The following METTL15 variants were observed in gnomAD, a reference collection of about 807,000 sequenced individuals.
METTL15 encodes 12S rRNA N(4)-cytidine methyltransferase METTL15.
A neutral mutation model predicts 38.3 loss-of-function variants in METTL15; 34 were observed. The observed-to-expected ratio is 0.89, with a 90% CI of 0.68 to 1.18. The LOEUF (loss-of-function observed/expected upper bound fraction) is 1.18. METTL15 is among the 50% of genes most tolerant of loss of function. The pLI, the probability that METTL15 is intolerant of heterozygous loss-of-function variation, is 0.00. For synonymous variants in METTL15, 162 were observed against 170.9 expected (o/e 0.95, Z 0.41); for missense variants, 438 against 498.4 (o/e 0.88, Z 1.15).
At chr11:28,174,458 T>G (rs904521890) in intron 3 of METTL15, among the ~76,000 whole-genome samples, 1 of 152,198 alleles carries the variant, frequency 6.6e-6, no homozygotes, top group Admixed American at 6.5e-5. Flanking sequence ...ATTTCAAATT[T>G]ATTATAATAT....
At chr11:28,525,952 A>G (rs542141309) in intron 6 of METTL15, among the ~76,000 whole-genome samples, 2 of 152,300 alleles carry the variant, frequency 1.3e-5, no homozygotes, top group Admixed American at 1.3e-4. Context: ...CCCCAAGGGG[A>G]GGCAGCTAAG....
chr11:28,516,266 C>T (rs570836095), intron 6 of METTL15, among the ~76,000 whole-genome samples: 38 of 152,034 alleles, frequency 2.5e-4, no homozygotes, highest in Non-Finnish European at 4.6e-4. Flanking sequence ...TGGCTATTAC[C>T]AGGTGGGTGG....
At chr11:28,310,878 ATGCTGCTGCTGCTGCTGC>A (rs878913369) in intron 6 of METTL15, among the ~76,000 whole-genome samples, 13 of 64,722 alleles carry the variant, frequency 2.0e-4, no homozygotes, top group Middle Eastern at 6.8e-3. Flanking sequence ...CCTAGCTTAA[ATGCTGCTGCTGCTGCTGC>A]TGCTGCTGCT....
At chr11:28,311,408 T>C (rs1857300861) in intron 6 of METTL15, among the ~76,000 whole-genome samples, 1 of 152,208 alleles carries the variant, frequency 6.6e-6, no homozygotes, top group African/African-American at 2.4e-5. Context: ...CTTCTTGCCA[T>C]CCTCCTGAAG....
intron 3 of METTL15, among the ~76,000 whole-genome samples, chr11:28,159,077 C>T (rs982019554): frequency 1.3e-5 from 2 of 152,226 alleles, no homozygotes; most frequent in Admixed American, 1.3e-4. Flanking sequence ...TTTCTGCTGG[C>T]ACAGAGGTCT....
At chr11:28,310,454 G>A (rs1325230580) in intron 6 of METTL15, among the ~76,000 whole-genome samples, 1 of 151,842 alleles carries the variant, frequency 6.6e-6, no homozygotes, top group East Asian at 1.9e-4. Flanking sequence ...TTCCCTAAAG[G>A]CCTAGTAATA....
intron 6 of METTL15, among the ~76,000 whole-genome samples, chr11:28,518,235 C>A (rs1006916620): frequency 6.6e-6 from 1 of 152,128 alleles, no homozygotes. Context: ...GCTAGAGACC[C>A]CCCTCCACAT....
At chr11:28,227,574 T>C (rs1303001650) in intron 4 of METTL15, among the ~76,000 whole-genome samples, 1 of 151,802 alleles carries the variant, frequency 6.6e-6, no homozygotes, top group Non-Finnish European at 1.5e-5. Context: ...TTGAAAGAAC[T>C]GTAATGTGAA....
intron 3 of METTL15, among the ~76,000 whole-genome samples, chr11:28,207,368 A>G (rs1316626265): frequency 6.6e-6 from 1 of 152,122 alleles, no homozygotes; most frequent in Admixed American, 6.5e-5. Context: ...TGAGATAATC[A>G]TGTGGTTTTT....
intron 5 of METTL15, among the ~76,000 whole-genome samples, chr11:28,390,481 A>G (rs571968552): frequency 2.6e-5 from 4 of 152,288 alleles, no homozygotes; most frequent in South Asian, 4.1e-4. Context: ...TTTATTAAAT[A>G]GGGAATCCTT....
intron 4 of METTL15, among the ~76,000 whole-genome samples, chr11:28,237,409 C>T (rs895294811): frequency 2.6e-5 from 4 of 152,164 alleles, no homozygotes; most frequent in African/African-American, 9.6e-5. Context: ...CTTGAGGCTT[C>T]TGCATTCTTC....
intron 6 of METTL15, among the ~76,000 whole-genome samples, chr11:28,302,863 T>C (rs1371980137): frequency 6.6e-6 from 1 of 152,148 alleles, no homozygotes; most frequent in Non-Finnish European, 1.5e-5. Context: ...AATGCTTTGA[T>C]AGAATATTTT....
Position 28,524,858 on chromosome 11 carries a change from C to T in METTL15, c.*425-1620C>T, listed in dbSNP as rs982360020. ...CTCACTGACTTCAAGAATGAAGCCGCGGACCCTCGCAGTGAGTGTTACAGT... is the reference window on the plus strand; with the variant it reads ...CTCACTGACTTCAAGAATGAAGCCGTGGACCCTCGCAGTGAGTGTTACAGT... On this transcript the variant is annotated intron_variant and NMD_transcript_variant, in intron 6 of 7. Coordinates refer to the METTL15 transcript ENST00000532947. Among the ~76,000 whole-genome samples the T allele has an allele frequency of 7.2e-5, 11 of 152,264 alleles. No individual in the cohort carries two copies. In the East Asian group the frequency reaches 9.7e-4, roughly 13 times the overall value.
At chr11:28,257,572 A>C (rs1855023139) in intron 4 of METTL15, among the ~76,000 whole-genome samples, 1 of 152,028 alleles carries the variant, frequency 6.6e-6, no homozygotes, top group African/African-American at 2.4e-5. Context: ...GGCATGCTTC[A>C]TGTTTTTTAA....
intron 5 of METTL15, among the ~76,000 whole-genome samples, chr11:28,389,517 T>G (rs1367366914): frequency 1.3e-5 from 2 of 151,726 alleles, no homozygotes; most frequent in Non-Finnish European, 2.9e-5. Context: ...TTACTGAGAA[T>G]GATGATTTCC....
At chr11:28,188,711 G>T (rs1366479944) in intron 3 of METTL15, among the ~76,000 whole-genome samples, 1 of 151,058 alleles carries the variant, frequency 6.6e-6, no homozygotes, top group Non-Finnish European at 1.5e-5. Context: ...CACTCATTTA[G>T]CTAAACCATA....
intron 4 of METTL15, among the ~76,000 whole-genome samples, chr11:28,220,082 T>G (rs1473303220): frequency 6.6e-6 from 1 of 152,202 alleles, no homozygotes; most frequent in African/African-American, 2.4e-5. Flanking sequence ...TAGGTCCGCT[T>G]TGTGCAGAGC....
At chr11:28,523,395 A>G (rs898690052) in intron 6 of METTL15, among the ~76,000 whole-genome samples, 1 of 152,248 alleles carries the variant, frequency 6.6e-6, no homozygotes, top group South Asian at 2.1e-4. Context: ...GACTTGAAAC[A>G]TATGAACATC....
At chr11:28,370,508 A>G (rs1363496257) in intron 5 of METTL15, among the ~76,000 whole-genome samples, 1 of 151,960 alleles carries the variant, frequency 6.6e-6, no homozygotes, top group African/African-American at 2.4e-5. Flanking sequence ...ATAGTGCTGC[A>G]AGAAATGTGT....
Sources: gnomAD v4.1 joint callset for allele counts (sites outside exome capture counted in the v4.1 genomes callset) on GRCh38, gnomAD v4.1.1 for gene constraint, MANE v1.5 for transcripts, NCBI Gene and HGNC (gene_info 2026-07-23, HGNC 2026-07-21) for gene names.